The following AOPEP variants were observed in gnomAD, a reference collection of about 807,000 sequenced individuals.
The protein encoded by AOPEP is aminopeptidase O (putative).
AOPEP carries 77 observed loss-of-function variants against 98.1 expected under a neutral mutation model. The observed-to-expected ratio is 0.78, with a 90% CI of 0.65 to 0.95. The LOEUF is 0.95. Among genes scored for constraint, AOPEP ranks in the 40% least tolerant of loss-of-function variants. The pLI, the probability that AOPEP is intolerant of heterozygous loss-of-function variation, is 0.00. For synonymous variants in AOPEP, 346 were observed against 365.3 expected (o/e 0.95, Z 0.60); for missense variants, 1,024 against 1,024.7 (o/e 1.00, Z 0.01).
chr9:95,061,077 T>A (rs532650452), intron 14 of AOPEP: 8 of 309,816 alleles, frequency 2.6e-5, no homozygotes, highest in Admixed American at 1.8e-4. Flanking sequence ...TGTTTTTGAG[T>A]TGTAAACTTG....
At chr9:94,996,542 G>A (rs373038318) in intron 11 of AOPEP, among the ~76,000 whole-genome samples, 1 of 152,102 alleles carries the variant, frequency 6.6e-6, no homozygotes, top group Admixed American at 6.5e-5. Flanking sequence ...ACCTGCCAGG[G>A]CCACAGACTC....
intron 1 of AOPEP, among the ~76,000 whole-genome samples, chr9:94,743,191 GAA>G (rs1564051706): frequency 9.9e-5 from 12 of 121,150 alleles, no homozygotes; most frequent in South Asian, 5.4e-4. Flanking sequence ...AGAAGAAGAA[GAA>G]GAAGAAGAGG....
the AOPEP span, chr9:95,114,753 G>A: frequency 6.4e-7 from 1 of 1,574,426 alleles, no homozygotes; most frequent in Non-Finnish European, 8.7e-7. Context: ...CTGAGGAAAT[G>A]TCAAGCCCAT....
intron 10 of AOPEP, among the ~76,000 whole-genome samples, chr9:94,971,232 C>T (rs938960441): frequency 3.3e-4 from 50 of 152,006 alleles, no homozygotes; most frequent in Non-Finnish European, 7.4e-5. Context: ...AATGGTGGCC[C>T]CCAATCACCA....
chr9:94,737,826 G>A (rs1226469759), intron 1 of AOPEP, among the ~76,000 whole-genome samples: 1 of 152,140 alleles, frequency 6.6e-6, no homozygotes, highest in Non-Finnish European at 1.5e-5. Context: ...GGAGTTCCTG[G>A]CCTGTTTCAC....
At chr9:95,117,353 G>A in the AOPEP span, 1 of 1,614,108 alleles carries the variant, frequency 6.2e-7, no homozygotes, top group Admixed American at 1.7e-5. Flanking sequence ...AAGAGATGGA[G>A]AAGTGTAAGG....
At chr9:94,969,690 G>T (rs1380247156) in intron 10 of AOPEP, among the ~76,000 whole-genome samples, 1 of 152,126 alleles carries the variant, frequency 6.6e-6, no homozygotes, top group South Asian at 2.1e-4. Flanking sequence ...TACAGGCGTG[G>T]GCCACTGCGC....
rs1412791961 is a variant in AOPEP, at chr9:94,980,463, T to A, written c.1977+1036T>A. On this transcript the variant is annotated intron_variant, in intron 11 of 16. Coordinates refer to ENST00000375315, the MANE Select transcript of AOPEP (RefSeq NM_001193329.3). The surrounding 1 kb of genome is among the most constrained non-coding windows in gnomAD (Gnocchi z 4.3). ...AGGAGGGTCTCAATGTCAGTGAATG[T>A]CTGTGAACCATGAAATGAAGGGACA... 6.6e-6 allele frequency among the ~76,000 whole-genome samples: 1 copy of A among 152,232 alleles called. No individual in the cohort carries two copies. Among genetic ancestry groups the A allele is most frequent in the Non-Finnish European group, 1.5e-5 (1 of 68,042 alleles).
At chr9:95,059,043 C>T (rs992451491) in intron 13 of AOPEP, among the ~76,000 whole-genome samples, 7 of 152,346 alleles carry the variant, frequency 4.6e-5, no homozygotes, top group South Asian at 2.1e-4. Context: ...AGAGGCTGGG[C>T]GCCTGGGTTT....
At chr9:95,065,393 G>A (rs971732107) in intron 14 of AOPEP, 2 of 152,270 alleles carry the variant, frequency 1.3e-5, no homozygotes, top group African/African-American at 2.4e-5. Context: ...GTAGGACACC[G>A]AGGCTTATGA....
intron 5 of AOPEP, among the ~76,000 whole-genome samples, chr9:94,825,625 T>G (rs952901446): frequency 6.6e-6 from 1 of 152,244 alleles, no homozygotes; most frequent in Non-Finnish European, 1.5e-5. Flanking sequence ...AGTGTTCTTT[T>G]TTCCTTGGCT....
At chr9:94,779,157 G>A (rs1842773995) in intron 3 of AOPEP, among the ~76,000 whole-genome samples, 1 of 152,180 alleles carries the variant, frequency 6.6e-6, no homozygotes, top group African/African-American at 2.4e-5. Flanking sequence ...GCTGGCAATT[G>A]TCCAGTCAGG....
At chr9:95,008,058 A>G (rs1225829281) in intron 13 of AOPEP, among the ~76,000 whole-genome samples, 1 of 152,162 alleles carries the variant, frequency 6.6e-6, no homozygotes, top group Non-Finnish European at 1.5e-5. Context: ...AAGCTATGGT[A>G]TTTTCTGATT....
intron 10 of AOPEP, among the ~76,000 whole-genome samples, chr9:94,975,167 G>A (rs1238794106): frequency 6.6e-6 from 1 of 152,140 alleles, no homozygotes; most frequent in East Asian, 1.9e-4. Context: ...GGAGGAGGAG[G>A]AGGTTGTTGC....
chr9:95,061,225 T>A (rs1447506873), intron 14 of AOPEP, among the ~76,000 whole-genome samples: 1 of 152,150 alleles, frequency 6.6e-6, no homozygotes, highest in African/African-American at 2.4e-5. Context: ...GAAAACTAAA[T>A]CTAGCAGCTG....
the AOPEP span, among the ~76,000 whole-genome samples, chr9:95,119,383 T>C: frequency 2.9e-4 from 44 of 151,666 alleles, no homozygotes; most frequent in African/African-American, 1.1e-3. Flanking sequence ...TTTTTTTTAA[T>C]TGAGATGGAG....
intron 14 of AOPEP, among the ~76,000 whole-genome samples, chr9:95,078,044 G>A (rs1241553772): frequency 2.6e-5 from 4 of 152,090 alleles, no homozygotes; most frequent in Non-Finnish European, 5.9e-5. Context: ...TCTTGATGGG[G>A]TGGGAAAGGG....
rs2055574961 is a variant in AOPEP, at chr9:94,932,787, A to G, written c.1661+4256A>G. On this transcript the variant is annotated intron_variant, in intron 7 of 16. Transcript: ENST00000375315. Reference sequence around the variant, plus strand: ...GCGTGAACCACTGCGCCCAGCCCAGATGTTTCTTAGATTGACTTTGCTGTG... The same window carrying G: ...GCGTGAACCACTGCGCCCAGCCCAGGTGTTTCTTAGATTGACTTTGCTGTG... 3.0e-6 allele frequency: 3 copies of G among 985,272 alleles called. No homozygotes were observed. In the African/African-American group the frequency reaches 5.2e-5, roughly 17 times the overall value. 61.0% of individuals were successfully genotyped at this position (985,272 alleles called of 1,614,324 possible).
intron 1 of AOPEP, among the ~76,000 whole-genome samples, chr9:94,746,033 C>A (rs900620569): frequency 6.6e-6 from 1 of 152,136 alleles, no homozygotes; most frequent in Admixed American, 6.5e-5. Flanking sequence ...TGCTTGCGTT[C>A]GTTATTGCCT....
Sources: gnomAD v4.1 joint callset for allele counts (sites outside exome capture counted in the v4.1 genomes callset) on GRCh38, gnomAD v4.1.1 for gene constraint, Gnocchi (gnomAD v3.1) non-coding constraint, MANE v1.5 for transcripts, NCBI Gene and HGNC (gene_info 2026-07-23, HGNC 2026-07-21) for gene names.